ACLY: variants seen among roughly 807,000 people sequenced by gnomAD.
The protein encoded by ACLY is ATP-citrate synthase.
ACLY carries 41 observed loss-of-function variants against 133.0 expected under a neutral mutation model. The ratio of observed to expected loss-of-function variants is 0.31; its 90% CI spans 0.24 to 0.40. The LOEUF is 0.40. ACLY is among the 10% of genes least tolerant of loss of function. ACLY has a pLI of 1.00. For missense variants in ACLY, 1,046 were observed against 1,453.8 expected (o/e 0.72, Z 4.56); for synonymous variants, 495 against 549.3 (o/e 0.90, Z 1.38).
chr17:41,909,311 G>C (rs1555633209), intron 5 of ACLY, among the ~76,000 whole-genome samples, 199 bp downstream of exon 5: 1 of 152,174 alleles, frequency 6.6e-6, no homozygotes, highest in African/African-American at 2.4e-5. Context: ...GGGGCAAGGA[G>C]GTGAGGGATG....
chr17:41,922,370 C>CAAAAAA (rs1164362085), upstream of ACLY, among the ~76,000 whole-genome samples: 8 of 30,910 alleles, frequency 2.6e-4, no homozygotes, highest in East Asian at 9.4e-4. Flanking sequence ...CAGAGCGAGA[C>CAAAAAA]AAAAAAAAAA....
intron 1 of ACLY, among the ~76,000 whole-genome samples, chr17:41,927,312 T>C (rs1161281996): frequency 3.3e-5 from 5 of 152,040 alleles, no homozygotes; most frequent in Non-Finnish European, 5.9e-5. Flanking sequence ...CCCAGGCAGT[T>C]AGTCTGCATT....
rs1555632516 is a variant in ACLY at position 41,905,657 on chromosome 17, C to T, written c.868G>A (p.Asp290Asn). The change falls in exon 9 of 29, where the codon GAT becomes AAT. Residue 290 changes from aspartate to asparagine, a missense_variant and splice_region_variant. Coordinates refer to ENST00000352035, the MANE Select transcript of ACLY (RefSeq NM_001096.3). Reference protein sequence around the residue: ...AGGGASVVYSDTICDLGGVNE... With the variant: ...AGGGASVVYSNTICDLGGVNE... ...ACACCCCCTAGATCACAGATGGTATCGCTGCCAAGGAGACAGAAGTCAGTG... is the reference window on the plus strand; with the variant it reads ...ACACCCCCTAGATCACAGATGGTATTGCTGCCAAGGAGACAGAAGTCAGTG... The T allele has an allele frequency of 3.1e-6, 5 of 1,614,156 alleles. No homozygotes were observed. Among genetic ancestry groups the T allele is most frequent in the Non-Finnish European group, 2.5e-6 (3 of 1,180,014 alleles).
At chr17:41,891,619 G>A (rs1359865363) in intron 16 of ACLY, among the ~76,000 whole-genome samples, 1 of 151,818 alleles carries the variant, frequency 6.6e-6, no homozygotes, top group African/African-American at 2.4e-5. Flanking sequence ...CTGGGCTCAA[G>A]CAATCTTCTT....
At chr17:41,877,035 A>T (rs2144232523) in intron 22 of ACLY, among the ~76,000 whole-genome samples, 1 of 152,236 alleles carries the variant, frequency 6.6e-6, no homozygotes, top group East Asian at 1.9e-4. Flanking sequence ...AAATCAGCCA[A>T]TTTAGTCCAA....
intron 14 of ACLY, among the ~76,000 whole-genome samples, chr17:41,896,034 T>C (rs1555630250): frequency 6.6e-6 from 1 of 152,142 alleles, no homozygotes; most frequent in Non-Finnish European, 1.5e-5. Flanking sequence ...CTGCACACCC[T>C]TCTGCGCTTC....
intron 1 of ACLY, among the ~76,000 whole-genome samples, chr17:41,918,670 G>A (rs1555634907): frequency 3.9e-5 from 6 of 152,184 alleles, no homozygotes; most frequent in Non-Finnish European, 1.5e-5. Context: ...TGTGTGTGTC[G>A]CGCGGGGGGA....
At chr17:41,890,086 A>T (rs1283919239) in intron 16 of ACLY, among the ~76,000 whole-genome samples, 8 of 152,210 alleles carry the variant, frequency 5.3e-5, no homozygotes, top group African/African-American at 1.7e-4. Flanking sequence ...GATTTGCAAA[A>T]GCAAAAGTGA....
intron 1 of ACLY, among the ~76,000 whole-genome samples, chr17:41,917,703 TAG>T (rs1366262264): frequency 5.3e-5 from 8 of 152,168 alleles, no homozygotes; most frequent in African/African-American, 7.2e-5. Flanking sequence ...GAGTAAATTC[TAG>T]AGAGGCAGAA....
intron 25 of ACLY, among the ~76,000 whole-genome samples, chr17:41,870,149 T>C (rs1405902499): frequency 3.9e-5 from 6 of 152,178 alleles, no homozygotes; most frequent in African/African-American, 1.4e-4. Flanking sequence ...ACTTCAGCCC[T>C]CAGCAAAAGA....
intron 16 of ACLY, among the ~76,000 whole-genome samples, chr17:41,890,206 A>G (rs1598000800): frequency 6.6e-6 from 1 of 152,228 alleles, no homozygotes; most frequent in Admixed American, 6.5e-5. Context: ...GGGGGTAGAT[A>G]AGGACATACC....
intron 1 of ACLY, 42 bp from the exon 2 acceptor site, chr17:41,913,938 T>C (rs782379539): frequency 6.3e-7 from 1 of 1,593,802 alleles, no homozygotes. Context: ...GGCAGGCGTG[T>C]GGAGGCACTA....
At position 41,878,937 on chromosome 17, in the gene ACLY, G is replaced by A; in HGVS notation, c.2266-13C>T. ...GGCCAAACTGGACCTGGAAAGCAAA[G>A]GAAAGTAGCTTTACTGCTAATCCCC... On this transcript the variant is annotated splice_polypyrimidine_tract_variant and intron_variant, in intron 20 of 28. Coordinates refer to ENST00000352035, the MANE Select transcript of ACLY (RefSeq NM_001096.3). 1 of 1,613,900 alleles carries A rather than the reference G, an allele frequency of 6.2e-7. No homozygotes were observed. Among genetic ancestry groups the A allele is most frequent in the Non-Finnish European group, 8.5e-7 (1 of 1,179,864 alleles).
In ACLY at chr17:41,896,625, A is replaced by T; in HGVS notation, c.1454T>A (p.Leu485Gln). 1 of 1,569,826 alleles carries T rather than the reference A, an allele frequency of 6.4e-7. No individual in the cohort carries two copies. The highest frequency in any genetic ancestry group is 8.6e-7 in the Non-Finnish European group (1 of 1,157,186). ...PQDSVPSPRSLQGKSTTLFSR... is the reference protein window; with the variant it reads ...PQDSVPSPRSQQGKSTTLFSR... ...GCAGGGTGGGGGCATCCTACCTTGCAGGGATCTTGGACTTGGGACTGAATC... is the reference window on the plus strand; with the variant it reads ...GCAGGGTGGGGGCATCCTACCTTGCTGGGATCTTGGACTTGGGACTGAATC... The change falls in exon 14 of 29, where the codon CTG (leucine) becomes CAG (glutamine). Residue 485 changes from leucine (L) to glutamine (Q), a missense_variant. Leu to Gln is a moderately radical substitution (Grantham distance 113). Around this residue, in one of 4 missense-constraint regions of ACLY, gnomAD observed 575 missense variants for 804.2 expected, o/e 0.71. Transcript: ENST00000352035.
At chr17:41,908,593 CG>C (rs1289357113) in intron 6 of ACLY, among the ~76,000 whole-genome samples, 2 of 152,206 alleles carry the variant, frequency 1.3e-5, no homozygotes, top group African/African-American at 4.8e-5. Context: ...GGTGAAACCC[CG>C]TCTCTACTAA....
At chr17:41,884,623 G>A (rs1359246627) in intron 18 of ACLY, among the ~76,000 whole-genome samples, 2 of 152,116 alleles carry the variant, frequency 1.3e-5, no homozygotes, top group African/African-American at 4.8e-5. Flanking sequence ...AGTGGCTCAC[G>A]CCTGTAATCC....
intron 20 of ACLY, among the ~76,000 whole-genome samples, chr17:41,880,752 A>G (rs574645838): frequency 1.3e-5 from 2 of 152,062 alleles, no homozygotes; most frequent in African/African-American, 2.4e-5. Flanking sequence ...TGTAATCCCA[A>G]CTACTTGGGA....
At chr17:41,926,433 A>T (rs1303176906) in intron 1 of ACLY, among the ~76,000 whole-genome samples, 2 of 152,224 alleles carry the variant, frequency 1.3e-5, no homozygotes, top group Non-Finnish European at 2.9e-5. Context: ...TCAAGCTCAC[A>T]GTGCTTTATA....
rs556053302 is a variant in ACLY at position 41,869,562 on chromosome 17, T to G, written c.2963A>C (p.Gln988Pro). ...CTGCCTGACGTAATCTTTGAGGATC[T>G]GCACTCGCATGTCTGGGTTGTTTAT... ...KSINNPDMRV[Q>P]ILKDYVRQHF... Residue 988 changes from glutamine to proline, a missense_variant, in exon 26 of 29, where the codon CAG (glutamine) becomes CCG (proline). Physicochemically the swap from Gln to Pro is moderately conservative, Grantham distance 76 (BLOSUM62 -1). This residue lies in a region of ACLY where 205 missense variants were observed against 373.3 expected (regional missense o/e 0.55). Coordinates refer to ENST00000352035, the MANE Select transcript of ACLY (RefSeq NM_001096.3). 6.2e-7 allele frequency: 1 copy of G among 1,614,144 alleles called. No homozygotes were observed. Among genetic ancestry groups the G allele is most frequent in the African/African-American group, 1.3e-5 (1 of 75,050 alleles).
Sources: allele counts gnomAD v4.1 joint callset (sites outside exome capture counted in the v4.1 genomes callset), GRCh38; gene constraint gnomAD v4.1.1; regional missense constraint gnomAD v4.1.1; transcripts MANE v1.5; gene names NCBI Gene and HGNC (gene_info 2026-07-23, HGNC 2026-07-21).